Variants in KLHDC4 observed in about 807,000 individuals in gnomAD.
The protein encoded by KLHDC4 is kelch domain containing 4.
KLHDC4 carries 90 observed loss-of-function variants against 62.4 expected under a neutral mutation model. That is an observed-to-expected ratio of 1.44 (90% CI 1.22 to 1.72). The LOEUF (loss-of-function observed/expected upper bound fraction) is 1.72, where lower values mean the gene tolerates loss of function less well. KLHDC4 is among the 40% of genes most tolerant of loss of function. The probability of loss-of-function intolerance (pLI) is 0.00; values close to 1 mark genes in which losing one functional copy is unlikely to be tolerated. For missense variants in KLHDC4, 1,025 were observed against 699.7 expected (o/e 1.47, Z -5.25); for synonymous variants, 386 against 284.4 (o/e 1.36, Z -3.59).
At chr16:87,761,488 G>C (rs772000417) in intron 2 of KLHDC4, among the ~76,000 whole-genome samples, 1 of 152,158 alleles carries the variant, frequency 6.6e-6, no homozygotes, top group African/African-American at 2.4e-5. Context: ...GACTCGGAAC[G>C]TTTTTACGTA....
intron 2 of KLHDC4, among the ~76,000 whole-genome samples, chr16:87,756,721 C>CAAAAAAAAAAAAAAAAAAAAAAAAAAAAA (rs35385743): frequency 2.0e-5 from 2 of 98,812 alleles, no homozygotes; most frequent in African/African-American, 3.5e-5. Context: ...GTTGTATTAA[C>CAAAAAAAAAAAAAAAAAAAAAAAAAAAAA]AAAAAAAAAA....
chr16:87,701,687 T>A (rs1382203591), exon 1 of KLHDC4: 2 of 456,538 alleles, frequency 4.4e-6, no homozygotes, highest in Non-Finnish European at 8.8e-6. Context: ...GGGATAAACA[T>A]CCTGTCTCAG....
rs1165435749 is a variant in KLHDC4, at chr16:87,709,429, C to T, written c.1283G>A (p.Gly428Glu). 2.5e-6 allele frequency: 4 copies of T among 1,612,814 alleles called. No homozygotes were observed. The African/African-American group carries it at 4.0e-5, about 16-fold the overall frequency. Reference sequence around the variant, plus strand: ...CATGGCGTTGGAGCGTGGACACGGCCCAGGTGCGGGGCTGCCGGCCTCCTC... The same window carrying T: ...CATGGCGTTGGAGCGTGGACACGGCTCAGGTGCGGGGCTGCCGGCCTCCTC... ...SLEEAGSPAPGPCPRSNAMLA... is the reference protein window; with the variant it reads ...SLEEAGSPAPEPCPRSNAMLA... The change falls in exon 10 of 12, where the codon GGG (glycine) becomes GAG (glutamate). Residue 428 changes from glycine to glutamate, a missense_variant. Gly to Glu is a moderately conservative substitution (Grantham distance 98). Coordinates refer to ENST00000270583, the MANE Select transcript of KLHDC4 (RefSeq NM_017566.4).
chr16:87,743,650 T>C (rs942935983), intron 5 of KLHDC4, among the ~76,000 whole-genome samples: 2 of 150,422 alleles, frequency 1.3e-5, no homozygotes, highest in African/African-American at 2.4e-5. Flanking sequence ...TGAGGCAAGA[T>C]AATGGCGTGA....
chr16:87,735,086 G>T (rs1012320456), intron 5 of KLHDC4, among the ~76,000 whole-genome samples: 1 of 150,644 alleles, frequency 6.6e-6, no homozygotes, highest in Non-Finnish European at 1.5e-5. Flanking sequence ...ACAATCTGAG[G>T]ATCAGACCTT....
chr16:87,729,787 A>T (rs1000657716), intron 6 of KLHDC4, among the ~76,000 whole-genome samples: 1 of 152,122 alleles, frequency 6.6e-6, no homozygotes, highest in Non-Finnish European at 1.5e-5. Context: ...CGTGGCTCTC[A>T]AAGTGAAGTC....
At chr16:87,741,996 T>G (rs1011098912) in intron 5 of KLHDC4, among the ~76,000 whole-genome samples, 1 of 152,218 alleles carries the variant, frequency 6.6e-6, no homozygotes, top group African/African-American at 2.4e-5. Flanking sequence ...GATTCCCACG[T>G]GCTCTGCACG....
chr16:87,751,872 G>C (rs889715405), intron 4 of KLHDC4, among the ~76,000 whole-genome samples: 12 of 147,700 alleles, frequency 8.1e-5, no homozygotes, highest in Non-Finnish European at 1.3e-4. Context: ...AGGAGATTAA[G>C]ACCATCCTGG....
intron 3 of KLHDC4, 106 bp from the exon 4 acceptor site, chr16:87,755,398 G>A: frequency 3.0e-6 from 2 of 660,622 alleles, no homozygotes; most frequent in African/African-American, 1.8e-5. Context: ...ACATGCTAAA[G>A]GAATGTAAAC....
chr16:87,737,240 G>A (rs1329391997), intron 5 of KLHDC4, among the ~76,000 whole-genome samples: 2 of 151,482 alleles, frequency 1.3e-5, no homozygotes, highest in African/African-American at 4.8e-5. Context: ...GACACTAAAT[G>A]ACATCACATG....
intron 5 of KLHDC4, among the ~76,000 whole-genome samples, chr16:87,734,517 C>T (rs1469630280): frequency 1.3e-5 from 2 of 152,196 alleles, no homozygotes; most frequent in Non-Finnish European, 2.9e-5. Context: ...ACTGCTCAAA[C>T]GCGGGATCCC....
intron 1 of KLHDC4, 150 bp from the exon 2 acceptor site, chr16:87,762,190 G>A: frequency 6.9e-7 from 1 of 1,440,602 alleles, no homozygotes. Flanking sequence ...GAAATGCAGA[G>A]TTTGACACAT....
intron 7 of KLHDC4, among the ~76,000 whole-genome samples, chr16:87,716,918 C>A (rs1044171951): frequency 2.7e-4 from 40 of 149,316 alleles, no homozygotes; most frequent in African/African-American, 9.9e-4. Context: ...GGCGACAGAG[C>A]GAGACTCCGT....
chr16:87,756,325 A>G (rs1196774991), intron 3 of KLHDC4, 74 bp downstream of exon 3: 1 of 1,143,016 alleles, frequency 8.7e-7, no homozygotes, highest in Non-Finnish European at 1.3e-6. Context: ...ATTTGATGTC[A>G]CTGCCTTAAG....
In KLHDC4 at chr16:87,730,590, T is replaced by TGGTG. The variant is rs2040174079; in HGVS notation, c.560_561insCACC (p.Arg187SerfsTer12). ...GGAAGCCACCAAACAGGATCAATTGTCTCTTCCAGGCCACCATCCGATGTC... is the reference window on the plus strand; with the variant it reads ...GGAAGCCACCAAACAGGATCAATTGTGGTGCTCTTCCAGGCCACCATCCGATGTC... On this transcript the variant is annotated frameshift_variant, in exon 6 of 12. Transcript: ENST00000270583. LOFTEE classifies it high-confidence loss of function. 5 of 1,612,964 alleles carry TGGTG rather than the reference T, an allele frequency of 3.1e-6. No individual in the cohort carries two copies. In the African/African-American group the frequency reaches 4.0e-5, roughly 13 times the overall value.
rs1420337477 is a variant in KLHDC4 at position 87,759,237 on chromosome 16, TA to T, written c.191+2711del. ...AATTTTGTTAAACATTTTACCACAATAAAAAAAACTTTTTAGGTCGGGTGCA... is the reference window on the plus strand; with the variant it reads ...AATTTTGTTAAACATTTTACCACAATAAAAAAACTTTTTAGGTCGGGTGCA... On this transcript the variant is annotated intron_variant, in intron 2 of 11. Transcript: ENST00000270583. 3.3e-5 allele frequency among the ~76,000 whole-genome samples: 5 copies of T among 151,198 alleles called. No individual in the cohort carries two copies. The East Asian group carries it at 9.7e-4, about 29-fold the overall frequency.
intron 4 of KLHDC4, among the ~76,000 whole-genome samples, chr16:87,749,705 TC>T (rs575236027): frequency 1.6e-4 from 25 of 152,294 alleles, no homozygotes; most frequent in African/African-American, 5.5e-4. Flanking sequence ...CACTTCAGCC[TC>T]CTGAGTAGCT....
At chr16:87,755,875 T>A (rs2044802945) in intron 3 of KLHDC4, 2 of 162,178 alleles carry the variant, frequency 1.2e-5, no homozygotes, top group Admixed American at 1.1e-4. Flanking sequence ...AAGCCTAGTT[T>A]CTAAATGCAC....
chr16:87,765,948 G>T lies in KLHDC4; in HGVS notation c.-58C>A. On this transcript the variant is annotated 5_prime_UTR_variant, in exon 1 of 12. Coordinates refer to ENST00000270583, the MANE Select transcript of KLHDC4 (RefSeq NM_017566.4). ...GGAAAGAAAACGGCCCGCGCTCTCC[G>T]CTCGGAAACAGGTGCTCGTGGGGCG... 6 of 1,500,350 alleles carry T rather than the reference G, an allele frequency of 4.0e-6. No individual in the cohort carries two copies. Among genetic ancestry groups the T allele is most frequent in the Non-Finnish European group, 5.4e-6 (6 of 1,105,330 alleles). The allele number at this position is 1,500,350 out of a possible 1,614,324, so 92.9% of individuals were successfully genotyped here.
Sources: allele counts gnomAD v4.1 joint callset (sites outside exome capture counted in the v4.1 genomes callset), GRCh38; gene constraint gnomAD v4.1.1; transcripts MANE v1.5; gene names NCBI Gene and HGNC (gene_info 2026-07-23, HGNC 2026-07-21).